The following C1QTNF7 variants were observed in gnomAD, a reference collection of about 807,000 sequenced individuals.
The protein encoded by C1QTNF7 is C1q and TNF related 7.
C1QTNF7 carries 15 observed loss-of-function variants against 19.6 expected under a neutral mutation model. The observed-to-expected ratio is 0.76, with a 90% CI of 0.51 to 1.18. C1QTNF7 has a LOEUF of 1.18. Among genes scored for constraint, C1QTNF7 ranks in the 50% most tolerant of loss-of-function variants. The pLI is 0.00. For missense variants in C1QTNF7, 324 were observed against 359.7 expected, an observed-to-expected ratio of 0.90 and a Z score of 0.80; for synonymous variants, 142 against 137.5, an observed-to-expected ratio of 1.03 and a Z score of -0.23.
chr4:15,428,947 T>C (rs13149679), intron 1 of C1QTNF7, among the ~76,000 whole-genome samples: 40,440 of 152,156 alleles, frequency 0.27, 6,190 homozygotes, highest in Middle Eastern at 0.36. Context: ...TGAAGTAATA[T>C]GTTATAGTTT....
chr4:15,393,372 A>G (rs1718657614), intron 1 of C1QTNF7, among the ~76,000 whole-genome samples: 1 of 152,006 alleles, frequency 6.6e-6, no homozygotes, highest in African/African-American at 2.4e-5. Context: ...ATTCTGCAGG[A>G]CTCTTCCACT....
chr4:15,358,839 G>T (rs1717239061), intron 1 of C1QTNF7, among the ~76,000 whole-genome samples: 1 of 152,106 alleles, frequency 6.6e-6, no homozygotes, highest in African/African-American at 2.4e-5. Context: ...GGAGTGCAAG[G>T]TGAGCCACAG....
At chr4:15,386,791 T>C (rs1218525696) in intron 1 of C1QTNF7, among the ~76,000 whole-genome samples, 1 of 152,044 alleles carries the variant, frequency 6.6e-6, no homozygotes, top group Non-Finnish European at 1.5e-5. Context: ...ACAGCAGGCT[T>C]GAGGAGTGGC....
intron 1 of C1QTNF7, among the ~76,000 whole-genome samples, chr4:15,429,306 A>G (rs762466018): frequency 2.6e-5 from 4 of 152,184 alleles, no homozygotes; most frequent in Non-Finnish European, 5.9e-5. Flanking sequence ...TCATTTTGTT[A>G]TGCAGTATCA....
chr4:15,360,877 T>C (rs546362221), intron 1 of C1QTNF7, among the ~76,000 whole-genome samples: 2 of 152,258 alleles, frequency 1.3e-5, no homozygotes, highest in Non-Finnish European at 2.9e-5. Context: ...CTACCAGAAA[T>C]AGCATCTGTA....
At chr4:15,370,953 C>G (rs1717697615) in intron 1 of C1QTNF7, among the ~76,000 whole-genome samples, 1 of 152,246 alleles carries the variant, frequency 6.6e-6, no homozygotes, top group Admixed American at 6.5e-5. Context: ...TCTTGAGGTT[C>G]CCTAAACACA....
intron 1 of C1QTNF7, among the ~76,000 whole-genome samples, chr4:15,434,727 G>A (rs1049367368): frequency 1.3e-5 from 2 of 152,082 alleles, no homozygotes; most frequent in African/African-American, 2.4e-5. Flanking sequence ...TCATCATTCT[G>A]AGCTTCTAGG....
rs1712978084 is a variant in C1QTNF7, at chr4:15,445,881, A to C, written c.*3082A>C. 6.6e-6 allele frequency: 1 copy of C among 152,218 alleles called. No homozygotes were observed. Among genetic ancestry groups the C allele is most frequent in the Admixed American group, 6.5e-5 (1 of 15,272 alleles). 9.4% of individuals were successfully genotyped at this position (152,218 alleles called of 1,614,324 possible). On this transcript the variant is annotated 3_prime_UTR_variant, in exon 3 of 3. Coordinates refer to ENST00000444304, the MANE Select transcript of C1QTNF7 (RefSeq NM_031911.5). ...AGAAGATAAATAAGATATAAAAAGA[A>C]AACAGCAGTCAAAAGCAGATGAGAA...
rs377766023 is a variant in C1QTNF7, at chr4:15,411,885, C to T, written c.14-23851C>T. ...AGAGCAGGAGTCCCCAGTCCCTGAA[C>T]CACGCACCGGTACTGGTGCAAGGCC... On this transcript the variant is annotated intron_variant, in intron 1 of 2. Transcript: ENST00000295297. Among the ~76,000 whole-genome samples the T allele has an allele frequency of 1.9e-3, 251 of 128,818 alleles. 5 individuals carry two copies. The East Asian group carries it at 0.062, about 32-fold the overall frequency. 84.5% of individuals were successfully genotyped at this position (128,818 alleles called of 152,430 possible).
At chr4:15,422,986 T>C (rs748964564) in intron 1 of C1QTNF7, among the ~76,000 whole-genome samples, 3 of 152,210 alleles carry the variant, frequency 2.0e-5, no homozygotes, top group African/African-American at 7.2e-5. Context: ...AGTATTATGA[T>C]CTGGGATAAT....
chr4:15,350,187 A>G, intron 1 of C1QTNF7, among the ~76,000 whole-genome samples: 3 of 62,092 alleles, frequency 4.8e-5, no homozygotes, highest in Non-Finnish European at 8.8e-5. Context: ...GGGAGGCAGG[A>G]AGGAAGGAAG....
At chr4:15,407,465 C>T (rs182841910) in intron 1 of C1QTNF7, among the ~76,000 whole-genome samples, 1 of 152,328 alleles carries the variant, frequency 6.6e-6, no homozygotes, top group Admixed American at 6.5e-5. Context: ...TTTACCTGCA[C>T]TGATGTTAGC....
At chr4:15,346,597 A>C (rs1265529430) in intron 1 of C1QTNF7, among the ~76,000 whole-genome samples, 2 of 152,178 alleles carry the variant, frequency 1.3e-5, no homozygotes, top group Non-Finnish European at 2.9e-5. Context: ...CCATTAATTT[A>C]TGTAGAAAGA....
intron 1 of C1QTNF7, among the ~76,000 whole-genome samples, chr4:15,352,568 G>A (rs1157144604): frequency 6.6e-6 from 1 of 152,180 alleles, no homozygotes; most frequent in Non-Finnish European, 1.5e-5. Context: ...ATCAGAGGGG[G>A]CAGCTAAAAC....
At chr4:15,434,971 T>C (rs1181556622) in intron 1 of C1QTNF7, among the ~76,000 whole-genome samples, 3 of 152,198 alleles carry the variant, frequency 2.0e-5, no homozygotes, top group African/African-American at 7.2e-5. Context: ...TATACATGAT[T>C]ACCAAGTGAA....
At chr4:15,391,444 A>G (rs1202066854) in intron 1 of C1QTNF7, among the ~76,000 whole-genome samples, 1 of 152,116 alleles carries the variant, frequency 6.6e-6, no homozygotes, top group Non-Finnish European at 1.5e-5. Context: ...AAGGAGAAGA[A>G]AAGGTCTCCA....
chr4:15,344,129 A>T (rs1360624738), intron 1 of C1QTNF7, among the ~76,000 whole-genome samples: 4 of 152,226 alleles, frequency 2.6e-5, no homozygotes, highest in Non-Finnish European at 5.9e-5. Context: ...GGAAAGTAGC[A>T]GGAAGGCTTC....
chr4:15,442,789 A>G lies in C1QTNF7; in HGVS notation c.860A>G (p.Asp287Gly). 1 of 1,604,490 alleles carries G rather than the reference A, an allele frequency of 6.2e-7. No homozygotes were observed. The highest frequency in any genetic ancestry group is 8.5e-7 in the Non-Finnish European group (1 of 1,175,812). Reference sequence around the variant, plus strand: ...TACCTAGATTCCATATCAGAAGATGATGAATTGTGATCAGGACCAAGATCC... The same window carrying G: ...TACCTAGATTCCATATCAGAAGATGGTGAATTGTGATCAGGACCAAGATCC... The part of the protein sequence containing the change: ...TDYLDSISED[D>G]EL Residue 287 changes from aspartate (D) to glycine (G), a missense_variant, in exon 3 of 3, where the codon GAT (aspartate) becomes GGT (glycine). Asp to Gly is a moderately conservative substitution (Grantham distance 94, BLOSUM62 -1). Transcript: ENST00000444304.
intron 1 of C1QTNF7, among the ~76,000 whole-genome samples, chr4:15,350,181 GGCA>G (rs1716867440): frequency 7.6e-5 from 8 of 105,252 alleles, no homozygotes; most frequent in East Asian, 3.2e-4. Context: ...GAAGGAGGGA[GGCA>G]GGAAGGAAGG....
Sources: allele counts gnomAD v4.1 joint callset (sites outside exome capture counted in the v4.1 genomes callset), GRCh38; gene constraint gnomAD v4.1.1; transcripts MANE v1.5; gene names NCBI Gene and HGNC (gene_info 2026-07-23, HGNC 2026-07-21).